Variants in STX8 observed in about 807,000 individuals in gnomAD.
STX8 encodes syntaxin-8.
STX8 carries 23 observed loss-of-function variants against 37.5 expected under a neutral mutation model. That is an observed-to-expected ratio of 0.61 (90% CI 0.44 to 0.87). The LOEUF is 0.87. Ranked by LOEUF, STX8 falls within the 40% of genes least tolerant of loss-of-function variation. The probability of loss-of-function intolerance (pLI) is 0.00; values close to 1 mark genes in which losing one functional copy is unlikely to be tolerated. For missense variants in STX8, 313 were observed against 284.7 expected, an observed-to-expected ratio of 1.10 and a Z score of -0.71; for synonymous variants, 115 against 99.1, an observed-to-expected ratio of 1.16 and a Z score of -0.95.
intron 7 of STX8, among the ~76,000 whole-genome samples, chr17:9,360,775 A>C (rs1241809325): frequency 6.6e-6 from 1 of 152,144 alleles, no homozygotes; most frequent in East Asian, 1.9e-4. Context: ...CAAAGTGTCA[A>C]AGAACATTTG....
chr17:9,554,346 G>C (rs769511061), intron 3 of STX8: 2 of 152,242 alleles, frequency 1.3e-5, no homozygotes, highest in African/African-American at 2.4e-5. Flanking sequence ...AACTTCATCA[G>C]TGACTTTCGG....
At chr17:9,562,114 A>AC (rs1381799066) in intron 2 of STX8, among the ~76,000 whole-genome samples, 3 of 151,346 alleles carry the variant, frequency 2.0e-5, no homozygotes, top group Non-Finnish European at 2.9e-5. Context: ...AAAAAAAAAA[A>AC]AACTTTCGGC....
intron 6 of STX8, among the ~76,000 whole-genome samples, chr17:9,487,453 T>C (rs1005624541): frequency 1.3e-5 from 2 of 152,092 alleles, no homozygotes; most frequent in African/African-American, 4.8e-5. Context: ...TTTTTCGCTT[T>C]AACAAAAGGA....
At chr17:9,335,577 A>C (rs944077177) in intron 7 of STX8, among the ~76,000 whole-genome samples, 1 of 151,586 alleles carries the variant, frequency 6.6e-6, no homozygotes, top group Non-Finnish European at 1.5e-5. Flanking sequence ...CTGGAAAGAT[A>C]CACCCAAACT....
At chr17:9,273,287 C>A (rs1027369201) in intron 7 of STX8, 5 of 152,248 alleles carry the variant, frequency 3.3e-5, no homozygotes, top group African/African-American at 9.6e-5. Context: ...CGAACGAGAG[C>A]AACTGGAGCC....
intron 7 of STX8, among the ~76,000 whole-genome samples, chr17:9,306,852 A>G (rs1909011893): frequency 6.6e-6 from 1 of 151,684 alleles, no homozygotes; most frequent in South Asian, 2.1e-4. Context: ...TACGCCGGGC[A>G]TGGTGGCTCA....
intron 6 of STX8, among the ~76,000 whole-genome samples, chr17:9,454,036 A>C (rs1014698985): frequency 2.0e-5 from 3 of 152,210 alleles, no homozygotes; most frequent in African/African-American, 7.2e-5. Context: ...TCATAAAGTT[A>C]AAGTGGAATG....
chr17:9,324,299 T>A (rs1424331102), intron 7 of STX8, among the ~76,000 whole-genome samples: 1 of 152,138 alleles, frequency 6.6e-6, no homozygotes, highest in Admixed American at 6.5e-5. Context: ...TTCTTGGAAG[T>A]GAAAAGCAAA....
rs1190485537 is a variant in STX8 at position 9,288,105 on chromosome 17, G to C, written c.644-37460C>G. ...TCACTAGACATTTGACAAGGGGGGG[G>C]GGGGGGAGAAAAGCAAAACAAACAA... On this transcript the variant is annotated intron_variant, in intron 7 of 7. Transcript: ENST00000306357. Among the ~76,000 whole-genome samples the C allele has an allele frequency of 3.7e-4, 43 of 117,274 alleles. 3 individuals carry two copies. The highest frequency in any genetic ancestry group is 6.0e-4 in the Non-Finnish European group (35 of 58,338). The allele number at this position is 117,274 out of a possible 152,430, so 76.9% of individuals were successfully genotyped here. A position where few individuals can be genotyped will look rare whatever the true frequency, so the allele number is the denominator to read the frequency against.
At chr17:9,562,410 A>G (rs1907275790) in intron 2 of STX8, among the ~76,000 whole-genome samples, 1 of 146,968 alleles carries the variant, frequency 6.8e-6, no homozygotes. Flanking sequence ...CGTCTCAGGA[A>G]AAAAAAAAAA....
chr17:9,356,994 G>GTT (rs1333651906), intron 7 of STX8, among the ~76,000 whole-genome samples: 1 of 75,760 alleles, frequency 1.3e-5, no homozygotes, highest in African/African-American at 4.7e-5. Context: ...TTTAGGCAAA[G>GTT]TCTTGCTCTG....
At chr17:9,324,206 C>T (rs1345939245) in intron 7 of STX8, among the ~76,000 whole-genome samples, 1 of 151,632 alleles carries the variant, frequency 6.6e-6, no homozygotes, top group Non-Finnish European at 1.5e-5. Context: ...AAAGTCTGTG[C>T]TTTGTTTTTA....
intron 7 of STX8, among the ~76,000 whole-genome samples, chr17:9,278,811 G>A (rs972200188): frequency 6.6e-6 from 1 of 151,974 alleles, no homozygotes; most frequent in African/African-American, 2.4e-5. Context: ...GGGTGCAGGG[G>A]GTACCGTGAG....
At chr17:9,397,520 G>A (rs1447173368) in intron 6 of STX8, among the ~76,000 whole-genome samples, 2 of 152,224 alleles carry the variant, frequency 1.3e-5, no homozygotes, top group Admixed American at 6.5e-5. Flanking sequence ...CAATCCATGT[G>A]GTGATGGATT....
chr17:9,250,764 C>G, intron 7 of STX8, 119 bp from the exon 8 acceptor site: 9 of 1,045,638 alleles, frequency 8.6e-6, no homozygotes, highest in Non-Finnish European at 7.0e-6. Context: ...TCAGTTTGTA[C>G]GAAGTGGAGA....
intron 6 of STX8, among the ~76,000 whole-genome samples, chr17:9,448,616 T>C (rs1252273793): frequency 6.6e-6 from 1 of 151,964 alleles, no homozygotes; most frequent in African/African-American, 2.4e-5. Flanking sequence ...TAACCCACTA[T>C]CTATCTATAC....
At position 9,299,439 on chromosome 17, in the gene STX8, C is replaced by CT. The variant is rs34149994; in HGVS notation, c.644-48795dup. Among the ~76,000 whole-genome samples, 230 of 93,024 alleles carry CT rather than the reference C, an allele frequency of 2.5e-3. 1 individual carries two copies. Among genetic ancestry groups the CT allele is most frequent in the Middle Eastern group, 0.011 (2 of 190 alleles). The allele number at this position is 93,024 out of a possible 152,430, so 61.0% of individuals were successfully genotyped here. A position where few individuals can be genotyped will look rare whatever the true frequency, so the allele number is the denominator to read the frequency against. ...GCCTGCGTCCGTCTTCATTCTTACG[C>CT]TTTTTTTTTTTTTTTTTTTTTGAGA... On this transcript the variant is annotated intron_variant, in intron 7 of 7. Coordinates refer to ENST00000306357, the MANE Select transcript of STX8 (RefSeq NM_004853.3).
At chr17:9,561,307 C>T (rs1907220906) in intron 2 of STX8, among the ~76,000 whole-genome samples, 1 of 152,014 alleles carries the variant, frequency 6.6e-6, no homozygotes, top group Non-Finnish European at 1.5e-5. Flanking sequence ...AGCATTTATA[C>T]TAAATATACC....
At chr17:9,429,902 T>C (rs371804121) in intron 6 of STX8, among the ~76,000 whole-genome samples, 4 of 1,174 alleles carry the variant, frequency 3.4e-3, no homozygotes, top group Non-Finnish European at 5.2e-3. Flanking sequence ...ATATAATATA[T>C]TATATATTAT....
Sources: allele counts gnomAD v4.1 joint callset (sites outside exome capture counted in the v4.1 genomes callset), GRCh38; gene constraint gnomAD v4.1.1; transcripts MANE v1.5; gene names NCBI Gene and HGNC (gene_info 2026-07-23, HGNC 2026-07-21).